Variants in ABI2 observed in about 807,000 individuals in gnomAD.
ABI2 encodes abelson interactor 2.
ABI2 carries 25 observed loss-of-function variants against 59.2 expected under a neutral mutation model. That is an observed-to-expected ratio of 0.42 (90% CI 0.31 to 0.59). The LOEUF is 0.59. Among genes scored for constraint, ABI2 ranks in the 20% least tolerant of loss-of-function variants. ABI2 has a pLI of 0.14. For missense variants in ABI2, 545 were observed against 681.8 expected, an observed-to-expected ratio of 0.80 and a Z score of 2.23; for synonymous variants, 213 against 235.5, an observed-to-expected ratio of 0.90 and a Z score of 0.87.
intron 1 of ABI2, among the ~76,000 whole-genome samples, chr2:203,361,468 A>G (rs1178438722): frequency 6.6e-6 from 1 of 152,172 alleles, no homozygotes; most frequent in African/African-American, 2.4e-5. Flanking sequence ...ACCCTGTCTC[A>G]GAAAAGAAAA....
chr2:203,340,436 G>A (rs1346911996), intron 1 of ABI2, among the ~76,000 whole-genome samples: 2 of 151,576 alleles, frequency 1.3e-5, no homozygotes, highest in African/African-American at 2.4e-5. Flanking sequence ...GCATGATCAC[G>A]GCTCACTGCA....
At chr2:203,411,920 A>G (rs1404821026) in intron 10 of ABI2, among the ~76,000 whole-genome samples, 1 of 152,244 alleles carries the variant, frequency 6.6e-6, no homozygotes, top group Non-Finnish European at 1.5e-5. Flanking sequence ...CAGGAGGCTG[A>G]TGACAAATCA....
At chr2:203,395,831 C>A in intron 7 of ABI2, 51 bp downstream of exon 7, 1 of 1,494,980 alleles carries the variant, frequency 6.7e-7, no homozygotes, top group South Asian at 1.4e-5. Flanking sequence ...GAATTTGATT[C>A]AATTTGTGAT....
chr2:203,356,529 C>T (rs550372464), intron 1 of ABI2, among the ~76,000 whole-genome samples: 27 of 152,008 alleles, frequency 1.8e-4, no homozygotes, highest in African/African-American at 5.8e-4. Flanking sequence ...CTGCCACGCC[C>T]GGCTAATTTT....
At chr2:203,393,683 A>G (rs1410181909) in intron 5 of ABI2, among the ~76,000 whole-genome samples, 1 of 152,200 alleles carries the variant, frequency 6.6e-6, no homozygotes, top group Non-Finnish European at 1.5e-5. Flanking sequence ...AGTTAAAGGA[A>G]CTCTGGGATC....
chr2:203,384,181 T>G (rs1427309159), intron 4 of ABI2, among the ~76,000 whole-genome samples: 1 of 152,114 alleles, frequency 6.6e-6, no homozygotes, highest in Non-Finnish European at 1.5e-5. Flanking sequence ...ACGTACAAGG[T>G]CAGTGGATAG....
intron 4 of ABI2, among the ~76,000 whole-genome samples, chr2:203,384,290 G>GTTTTTGTTTTTGT (rs2096329612): frequency 3.8e-5 from 1 of 26,116 alleles, no homozygotes; most frequent in African/African-American, 1.6e-4. Flanking sequence ...TTTTGTTTTT[G>GTTTTTGTTTTTGT]TTTTTTTTTT....
chr2:203,364,752 A>G (rs551436306), intron 1 of ABI2, among the ~76,000 whole-genome samples: 2 of 149,586 alleles, frequency 1.3e-5, no homozygotes, highest in East Asian at 3.9e-4. Flanking sequence ...TTTTTTTTCA[A>G]GAGACAGGGT....
chr2:203,419,530 G>C (rs538339163), intron 11 of ABI2, among the ~76,000 whole-genome samples: 1 of 151,714 alleles, frequency 6.6e-6, no homozygotes, highest in East Asian at 1.9e-4. Flanking sequence ...CACCATGCCT[G>C]GGTAATTTTT....
chr2:203,339,210 A>G (rs1265184419), intron 1 of ABI2, among the ~76,000 whole-genome samples: 2 of 151,170 alleles, frequency 1.3e-5, no homozygotes, highest in African/African-American at 4.9e-5. Flanking sequence ...CAAAAGAGAG[A>G]TAAGTGTTGG....
chr2:203,387,602 A>G (rs72940155), intron 4 of ABI2, among the ~76,000 whole-genome samples: 6,634 of 152,254 alleles, frequency 0.044, 346 homozygotes, highest in African/African-American at 0.12. Context: ...TCTTGTACCT[A>G]ATACCTGCTT....
Position 203,376,199 on chromosome 2 carries a change from C to G in ABI2, c.286-4009C>G, listed in dbSNP as rs1577902851. ...GTTCTCAACCAGGGAAGTTTTGCCC[C>G]CAAGGGGACATTTGGCAATGTTAGA... On this transcript the variant is annotated intron_variant, in intron 2 of 11. Transcript: ENST00000261018. The G allele has an allele frequency of 5.7e-6, 7 of 1,225,458 alleles. No individual in the cohort carries two copies. The South Asian group carries it at 1.0e-4, about 18-fold the overall frequency. The allele number at this position is 1,225,458 out of a possible 1,614,324, so 75.9% of individuals were successfully genotyped here. A position where few individuals can be genotyped will look rare whatever the true frequency, so the allele number is the denominator to read the frequency against.
At chr2:203,372,872 G>A (rs1443737272) in intron 2 of ABI2, among the ~76,000 whole-genome samples, 3 of 151,926 alleles carry the variant, frequency 2.0e-5, no homozygotes, top group African/African-American at 7.3e-5. Context: ...ACGGGGCGGC[G>A]GGGCAGAGGC....
intron 1 of ABI2, chr2:203,355,005 G>A (rs1441307210): frequency 4.7e-6 from 1 of 211,744 alleles, no homozygotes; most frequent in African/African-American, 2.3e-5. Context: ...TGTCCCCTTT[G>A]CCATTCTCCA....
At chr2:203,382,484 G>A (rs1323187381) in intron 4 of ABI2, among the ~76,000 whole-genome samples, 1 of 152,084 alleles carries the variant, frequency 6.6e-6, no homozygotes, top group Admixed American at 6.6e-5. Context: ...TGGTTATTTT[G>A]TAATGTTAAT....
chr2:203,367,535 G>C (rs947974951), intron 2 of ABI2: 2 of 151,338 alleles, frequency 1.3e-5, no homozygotes, highest in African/African-American at 4.8e-5. Flanking sequence ...TACTTCATGG[G>C]CTTGTAAAAG....
chr2:203,415,489 C>T (rs938358742), intron 10 of ABI2, among the ~76,000 whole-genome samples: 3 of 151,646 alleles, frequency 2.0e-5, no homozygotes, highest in Admixed American at 6.6e-5. Context: ...TGGTGGCGGG[C>T]GCCTGTAGTC....
At chr2:203,363,601 T>G (rs2093870145) in intron 1 of ABI2, among the ~76,000 whole-genome samples, 1 of 152,128 alleles carries the variant, frequency 6.6e-6, no homozygotes, top group Admixed American at 6.5e-5. Flanking sequence ...TTGTTTTAAT[T>G]TTTAACTCCC....
chr2:203,365,075 G>A (rs1379992913), intron 1 of ABI2, among the ~76,000 whole-genome samples: 5 of 151,900 alleles, frequency 3.3e-5, no homozygotes, highest in Admixed American at 2.6e-4. Flanking sequence ...AGTAATACAT[G>A]CCCAAGTTAA....
Sources: gnomAD v4.1 joint callset for allele counts (sites outside exome capture counted in the v4.1 genomes callset) on GRCh38, gnomAD v4.1.1 for gene constraint, MANE v1.5 for transcripts, NCBI Gene and HGNC (gene_info 2026-07-23, HGNC 2026-07-21) for gene names.